The following CFAP20DC variants were observed in gnomAD, a reference collection of about 807,000 sequenced individuals.
CFAP20DC encodes protein CFAP20DC.
CFAP20DC carries 84 observed loss-of-function variants against 101.7 expected under a neutral mutation model. The ratio of observed to expected loss-of-function variants is 0.83; its 90% CI spans 0.69 to 0.99. The LOEUF (loss-of-function observed/expected upper bound fraction) is 0.99. Ranked by LOEUF, CFAP20DC falls within the 50% of genes least tolerant of loss-of-function variation. The pLI, the probability that CFAP20DC is intolerant of heterozygous loss-of-function variation, is 0.00. For synonymous variants in CFAP20DC, 359 were observed against 351.2 expected, an observed-to-expected ratio of 1.02 and a Z score of -0.25; for missense variants, 1,007 against 970.3, an observed-to-expected ratio of 1.04 and a Z score of -0.50.
chr3:58,950,137 G>A (rs1266200625), intron 4 of CFAP20DC, among the ~76,000 whole-genome samples: 7 of 152,092 alleles, frequency 4.6e-5, no homozygotes, highest in African/African-American at 7.2e-5. Context: ...ACAGACAAAC[G>A]GAGAGCCAAA....
chr3:58,908,563 T>A (rs913840452), intron 6 of CFAP20DC, among the ~76,000 whole-genome samples: 1 of 152,158 alleles, frequency 6.6e-6, no homozygotes, highest in Non-Finnish European at 1.5e-5. Flanking sequence ...AAATGAAATA[T>A]GGTACAGCCA....
rs967938981 is a variant in CFAP20DC, at chr3:58,971,638, T to A, written c.279-33876A>T. On this transcript the variant is annotated intron_variant, in intron 4 of 16. Transcript: ENST00000482387. The surrounding 1 kb of genome is among the most constrained non-coding windows in gnomAD (Gnocchi z 4.1). ...ACTAATAGCAAAACAGAGGGAAAAC[T>A]TGGAGGTCCACCATAAGGATCTAGA... is the stretch of plus-strand genomic sequence containing the variant. 6.6e-6 allele frequency among the ~76,000 whole-genome samples: 1 copy of A among 152,128 alleles called. No individual in the cohort carries two copies. Among genetic ancestry groups the A allele is most frequent in the Non-Finnish European group, 1.5e-5 (1 of 68,028 alleles).
chr3:58,966,097 C>T (rs575312987), intron 4 of CFAP20DC, among the ~76,000 whole-genome samples: 90 of 152,278 alleles, frequency 5.9e-4, no homozygotes, highest in African/African-American at 1.9e-3. Context: ...CTGGCAAGGC[C>T]GGGGCTCCCA....
At chr3:58,942,320 C>T (rs937964774) in intron 4 of CFAP20DC, among the ~76,000 whole-genome samples, 3 of 152,150 alleles carry the variant, frequency 2.0e-5, no homozygotes, top group Admixed American at 2.0e-4. Context: ...TCTGCAGTTC[C>T]CAGTGAGATA....
chr3:58,948,675 G>A (rs1413918579), intron 4 of CFAP20DC, among the ~76,000 whole-genome samples: 2 of 152,318 alleles, frequency 1.3e-5, no homozygotes, highest in East Asian at 1.9e-4. Context: ...TTGATGTGCT[G>A]CTGGATTCGG....
At chr3:58,774,911 CT>C (rs1466935624) in intron 15 of CFAP20DC, among the ~76,000 whole-genome samples, 6 of 152,146 alleles carry the variant, frequency 3.9e-5, no homozygotes, top group Non-Finnish European at 1.5e-5. Context: ...AATTCTCAAT[CT>C]TTTGAGGGTA....
intron 4 of CFAP20DC, among the ~76,000 whole-genome samples, chr3:59,037,250 G>A (rs1437821279): frequency 2.6e-5 from 4 of 151,088 alleles, no homozygotes; most frequent in South Asian, 2.1e-4. Context: ...AACACCAAAA[G>A]CAATGGCAAC....
chr3:58,889,118 C>A (rs559787212), intron 6 of CFAP20DC, among the ~76,000 whole-genome samples: 36 of 151,690 alleles, frequency 2.4e-4, no homozygotes, highest in Non-Finnish European at 5.3e-4. Context: ...TTCTTTATTT[C>A]ATTCTAGCTC....
chr3:58,763,325 C>T (rs185136359), intron 15 of CFAP20DC, among the ~76,000 whole-genome samples: 2 of 152,164 alleles, frequency 1.3e-5, no homozygotes, highest in African/African-American at 4.8e-5. Flanking sequence ...TCCAGTTGAT[C>T]GAATCGGCTA....
At chr3:58,980,046 G>A (rs1300543616) in intron 4 of CFAP20DC, among the ~76,000 whole-genome samples, 1 of 152,138 alleles carries the variant, frequency 6.6e-6, no homozygotes, top group Admixed American at 6.5e-5. Flanking sequence ...TTGCCTTAGT[G>A]ATAAAGTTAT....
At chr3:59,039,687 A>ATGCTT in intron 3 of CFAP20DC, 58 bp from the exon 4 acceptor site, 1 of 1,074,082 alleles carries the variant, frequency 9.3e-7, no homozygotes, top group Non-Finnish European at 1.3e-6. Flanking sequence ...GTGCATATAA[A>ATGCTT]CAAACACAAT....
In CFAP20DC at chr3:58,742,436, T is replaced by C; in HGVS notation, c.*24A>G. The C allele has an allele frequency of 1.3e-6, 2 of 1,576,560 alleles. No individual in the cohort carries two copies. Among genetic ancestry groups the C allele is most frequent in the East Asian group, 2.3e-5 (1 of 43,110 alleles). ...CTATTCTGCTCCAGCTGGGAGTGCC[T>C]GCTCTCTGCCCCGGAAGGAGGCATT... is the stretch of plus-strand genomic sequence containing the variant. On this transcript the variant is annotated 3_prime_UTR_variant, in exon 17 of 17. Coordinates refer to ENST00000482387, the MANE Select transcript of CFAP20DC (RefSeq NM_001394063.1).
At chr3:58,867,665 C>T (rs969982766) in intron 10 of CFAP20DC, 152 bp downstream of exon 10, 42 of 870,144 alleles carry the variant, frequency 4.8e-5, no homozygotes, top group African/African-American at 6.9e-5. Flanking sequence ...AATTCTTTTG[C>T]AGAAAATTTG....
chr3:59,025,235 C>A (rs1011017001), intron 4 of CFAP20DC, among the ~76,000 whole-genome samples: 3 of 152,134 alleles, frequency 2.0e-5, no homozygotes, highest in Non-Finnish European at 4.4e-5. Context: ...ACAGCAATCA[C>A]TTTTTTCTTC....
At chr3:58,995,629 TGAA>T in intron 4 of CFAP20DC, among the ~76,000 whole-genome samples, 1 of 152,088 alleles carries the variant, frequency 6.6e-6, no homozygotes, top group East Asian at 1.9e-4. Flanking sequence ...GGTGTATCTG[TGAA>T]GGTGTTTTTG....
At chr3:58,718,276 G>A (rs1001220018) in intron 3 of CFAP20DC, among the ~76,000 whole-genome samples, 1 of 152,102 alleles carries the variant, frequency 6.6e-6, no homozygotes, top group African/African-American at 2.4e-5. Context: ...GGTTTCAATG[G>A]TCTCATTTCA....
intron 6 of CFAP20DC, among the ~76,000 whole-genome samples, chr3:58,890,541 C>A (rs1010134368): frequency 6.7e-6 from 1 of 148,226 alleles, no homozygotes; most frequent in Admixed American, 6.6e-5. Context: ...ACCTCCCAGA[C>A]GGGGCGGCTA....
intron 15 of CFAP20DC, among the ~76,000 whole-genome samples, chr3:58,760,472 A>G (rs908843160): frequency 1.2e-4 from 18 of 152,148 alleles, no homozygotes; most frequent in Admixed American, 1.1e-3. Context: ...CAATCATGTC[A>G]TCTGCAAACA....
At chr3:58,980,342 C>T (rs2092475455) in intron 4 of CFAP20DC, among the ~76,000 whole-genome samples, 1 of 152,152 alleles carries the variant, frequency 6.6e-6, no homozygotes, top group Admixed American at 6.6e-5. Context: ...GGAATCCTCC[C>T]TAACTCATTT....
Sources: gnomAD v4.1 joint callset for allele counts (sites outside exome capture counted in the v4.1 genomes callset) on GRCh38, gnomAD v4.1.1 for gene constraint, Gnocchi (gnomAD v3.1) non-coding constraint, MANE v1.5 for transcripts, NCBI Gene and HGNC (gene_info 2026-07-23, HGNC 2026-07-21) for gene names.